SLIT3: variants seen among roughly 807,000 people sequenced by gnomAD.
SLIT3 encodes the protein slit homolog 3 protein.
SLIT3 carries 68 observed loss-of-function variants against 184.0 expected under a neutral mutation model. That is an observed-to-expected ratio of 0.37 (90% CI 0.30 to 0.45). The LOEUF (loss-of-function observed/expected upper bound fraction) is 0.45. Among genes scored for constraint, SLIT3 ranks in the 20% least tolerant of loss-of-function variants. The pLI is 1.00. For missense variants in SLIT3, 1,707 were observed against 2,026.0 expected (o/e 0.84, Z 3.02); for synonymous variants, 831 against 828.6 (o/e 1.00, Z -0.05).
intron 12 of SLIT3, among the ~76,000 whole-genome samples, chr5:168,784,171 A>T (rs1465051431): frequency 6.6e-6 from 1 of 152,166 alleles, no homozygotes; most frequent in East Asian, 1.9e-4. Flanking sequence ...AATCCACCTC[A>T]AGGTGGATAC....
At chr5:169,125,046 G>GT (rs1210197385) in intron 4 of SLIT3, among the ~76,000 whole-genome samples, 1 of 151,472 alleles carries the variant, frequency 6.6e-6, no homozygotes, top group Admixed American at 6.6e-5. Context: ...TTTTGTTTTT[G>GT]TTTTTTGTTT....
At chr5:169,123,040 T>A (rs1051643051) in intron 4 of SLIT3, among the ~76,000 whole-genome samples, 1 of 151,932 alleles carries the variant, frequency 6.6e-6, no homozygotes, top group Non-Finnish European at 1.5e-5. Context: ...AAAATACATA[T>A]GAGGGATCTT....
chr5:169,090,945 G>A (rs771755744), intron 4 of SLIT3, among the ~76,000 whole-genome samples: 5 of 152,260 alleles, frequency 3.3e-5, no homozygotes, highest in African/African-American at 7.2e-5. Flanking sequence ...CTCCTCCATC[G>A]TATTCCCAAA....
chr5:169,006,335 A>G (rs1032553485), intron 4 of SLIT3, among the ~76,000 whole-genome samples: 3 of 152,152 alleles, frequency 2.0e-5, no homozygotes, highest in African/African-American at 7.2e-5. Flanking sequence ...ACAATGAGAG[A>G]GTTGGCAGAT....
intron 4 of SLIT3, among the ~76,000 whole-genome samples, chr5:168,940,332 C>T (rs758505645): frequency 4.6e-5 from 7 of 152,154 alleles, no homozygotes; most frequent in African/African-American, 7.2e-5. Flanking sequence ...GTTCTTTGTG[C>T]AGTGTGGTGA....
At chr5:168,722,651 A>G (rs909494419) in intron 22 of SLIT3, among the ~76,000 whole-genome samples, 2 of 152,246 alleles carry the variant, frequency 1.3e-5, no homozygotes, top group African/African-American at 4.8e-5. Flanking sequence ...ATTGTGTAGG[A>G]AAACCATTTC....
chr5:169,121,725 C>CA (rs1307607287), intron 4 of SLIT3, among the ~76,000 whole-genome samples: 3 of 152,076 alleles, frequency 2.0e-5, no homozygotes, highest in Non-Finnish European at 4.4e-5. Flanking sequence ...TTTCCTCTTG[C>CA]AAAAAAGTTT....
At chr5:168,671,048 G>T in intron 34 of SLIT3, 150 bp downstream of exon 34, 1 of 849,906 alleles carries the variant, frequency 1.2e-6, no homozygotes, top group Non-Finnish European at 1.8e-6. Context: ...TCAGCCTCTT[G>T]ACCTCTTAAG....
intron 5 of SLIT3, among the ~76,000 whole-genome samples, chr5:168,869,705 A>T (rs912161012): frequency 6.6e-6 from 1 of 152,174 alleles, no homozygotes; most frequent in Non-Finnish European, 1.5e-5. Flanking sequence ...TAAAAACAGA[A>T]TGCTAATTAG....
chr5:169,074,184 G>A (rs968400692), intron 4 of SLIT3, among the ~76,000 whole-genome samples: 1 of 152,156 alleles, frequency 6.6e-6, no homozygotes, highest in African/African-American at 2.4e-5. Flanking sequence ...CTGGAGCTGG[G>A]TAGGGGCAAC....
At chr5:169,016,858 T>A (rs1208786757) in intron 4 of SLIT3, among the ~76,000 whole-genome samples, 1 of 152,234 alleles carries the variant, frequency 6.6e-6, no homozygotes, top group Admixed American at 6.5e-5. Context: ...CTATAAATGT[T>A]ATTTTTTGGA....
At chr5:168,789,695 G>T in intron 10 of SLIT3, 64 bp from the exon 11 acceptor site, 1 of 1,204,388 alleles carries the variant, frequency 8.3e-7, no homozygotes, top group Non-Finnish European at 1.2e-6. Context: ...TCACTCCTAA[G>T]TGTGAATCAA....
chr5:169,171,942 G>A (rs1762834994), intron 4 of SLIT3, among the ~76,000 whole-genome samples: 1 of 152,150 alleles, frequency 6.6e-6, no homozygotes, highest in Non-Finnish European at 1.5e-5. Context: ...AGTGTGAAGG[G>A]TGGTGTACAA....
chr5:169,189,060 GCAGACCA>G (rs1763452928), intron 4 of SLIT3, among the ~76,000 whole-genome samples: 1 of 152,150 alleles, frequency 6.6e-6, no homozygotes, highest in South Asian at 2.1e-4. Flanking sequence ...TGGGCATTTT[GCAGACCA>G]CAGCGATATA....
chr5:168,905,853 A>G (rs1348216087), intron 4 of SLIT3, among the ~76,000 whole-genome samples: 1 of 152,184 alleles, frequency 6.6e-6, no homozygotes, highest in Admixed American at 6.5e-5. Context: ...CACAGAGATG[A>G]TGTCTAGACT....
chr5:168,925,074 T>TGTTAA (rs1356268807), intron 4 of SLIT3, among the ~76,000 whole-genome samples: 1 of 152,198 alleles, frequency 6.6e-6, no homozygotes, highest in Non-Finnish European at 1.5e-5. Flanking sequence ...TCTGTTAACC[T>TGTTAA]CCTAAATTCT....
chr5:168,868,789 G>GAAAT (rs1439036717), intron 5 of SLIT3, among the ~76,000 whole-genome samples: 100 of 144,938 alleles, frequency 6.9e-4, no homozygotes, highest in African/African-American at 2.4e-3. Flanking sequence ...GAAAAAGAAA[G>GAAAT]GCAAAAATTA....
chr5:169,235,003 T>C (rs1765145600), intron 3 of SLIT3, among the ~76,000 whole-genome samples: 1 of 152,226 alleles, frequency 6.6e-6, no homozygotes, highest in African/African-American at 2.4e-5. Flanking sequence ...ATATTTTGTT[T>C]TGACCCCTCA....
chr5:168,960,093 G>A (rs542047234), intron 4 of SLIT3, among the ~76,000 whole-genome samples: 7 of 152,286 alleles, frequency 4.6e-5, no homozygotes. Flanking sequence ...CAGGTATTCT[G>A]TTGTATATTG....
Sources: gnomAD v4.1 joint callset for allele counts (sites outside exome capture counted in the v4.1 genomes callset) on GRCh38, gnomAD v4.1.1 for gene constraint, MANE v1.5 for transcripts, NCBI Gene and HGNC (gene_info 2026-07-23, HGNC 2026-07-21) for gene names.